Variants in ZIM2 observed in about 807,000 individuals in gnomAD.
ZIM2 encodes the protein zinc finger protein 656.
A neutral mutation model predicts 38.6 loss-of-function variants in ZIM2; 14 were observed. That is an observed-to-expected ratio of 0.36 (90% CI 0.24 to 0.57). ZIM2 has a LOEUF of 0.57. ZIM2 is among the 20% of genes least tolerant of loss of function. ZIM2 has a pLI of 0.81. For missense variants in ZIM2, 680 were observed against 695.1 expected (o/e 0.98, Z 0.24); for synonymous variants, 247 against 245.8 (o/e 1.00, Z -0.04).
At chr19:56,830,364 A>G (rs1345875562) in intron 2 of ZIM2, among the ~76,000 whole-genome samples, 1 of 152,230 alleles carries the variant, frequency 6.6e-6, no homozygotes, top group East Asian at 1.9e-4. Context: ...GGGAGCCCAC[A>G]AGCAGTATTT....
chr19:56,776,540 A>C (rs148445328), intron 12 of ZIM2, among the ~76,000 whole-genome samples: 49 of 152,330 alleles, frequency 3.2e-4, no homozygotes, highest in African/African-American at 1.1e-3. Context: ...GAAACACTGG[A>C]GCAAACAGGT....
chr19:56,781,850 C>CA, intron 11 of ZIM2, 103 bp downstream of exon 11: 1 of 1,435,788 alleles, frequency 7.0e-7, no homozygotes, highest in East Asian at 2.3e-5. Context: ...GGTTGAGACT[C>CA]ACTGACATGG....
At chr19:56,817,533 C>T in intron 9 of ZIM2, 1 of 1,602,728 alleles carries the variant, frequency 6.2e-7, no homozygotes, top group African/African-American at 1.3e-5. Flanking sequence ...CTTCACAAAT[C>T]CCCCGCCGGT....
chr19:56,811,516 A>C (rs1338502597), intron 9 of ZIM2: 4 of 985,088 alleles, frequency 4.1e-6, no homozygotes, highest in Non-Finnish European at 4.8e-6. Flanking sequence ...TCTCTTGTTT[A>C]CCATTTGTTA....
chr19:56,814,008 A>T lies in ZIM2; in HGVS notation c.490+3738T>A. On this transcript the variant is annotated intron_variant, in intron 9 of 12. Coordinates refer to ENST00000629319, the MANE Select transcript of ZIM2 (RefSeq NM_001387356.1). The surrounding 1 kb of genome is among the most constrained non-coding windows in gnomAD (Gnocchi z 5.8). Reference sequence around the variant, plus strand: ...TTCCCACACCGTCAGGCTCGTCGGCATCTCCCTCTGGCTCTTCAGCTTTTC... The same window carrying T: ...TTCCCACACCGTCAGGCTCGTCGGCTTCTCCCTCTGGCTCTTCAGCTTTTC... 1 of 1,613,984 alleles carries T rather than the reference A, an allele frequency of 6.2e-7. No individual in the cohort carries two copies. The highest frequency in any genetic ancestry group is 8.5e-7 in the Non-Finnish European group (1 of 1,179,976).
intron 9 of ZIM2, chr19:56,815,475 C>G (rs1251384206): frequency 6.2e-7 from 1 of 1,614,014 alleles, no homozygotes; most frequent in East Asian, 2.2e-5. Context: ...TATCATGAAT[C>G]TTCTGGTGCT....
chr19:56,839,718 A>G (rs965729507), intron 1 of ZIM2, among the ~76,000 whole-genome samples: 6 of 150,022 alleles, frequency 4.0e-5, no homozygotes, highest in Admixed American at 3.3e-4. Flanking sequence ...ATCCAATGCA[A>G]CCCACAGTCA....
intron 2 of ZIM2, 112 bp downstream of exon 2, chr19:56,835,906 G>A (rs981130105): frequency 4.7e-6 from 2 of 427,832 alleles, no homozygotes; most frequent in Non-Finnish European, 9.6e-6. Context: ...GGCACAAATG[G>A]TGCTGGGGTG....
intron 1 of ZIM2, among the ~76,000 whole-genome samples, chr19:56,836,611 T>G (rs2062135289): frequency 6.6e-6 from 1 of 152,274 alleles, no homozygotes; most frequent in South Asian, 2.1e-4. Context: ...TTCATGATTA[T>G]GAGACTGGTT....
At chr19:56,826,951 A>AT (rs2061099919) in intron 2 of ZIM2, among the ~76,000 whole-genome samples, 1 of 152,222 alleles carries the variant, frequency 6.6e-6, no homozygotes, top group Admixed American at 6.5e-5. Flanking sequence ...TGAAAGCTAT[A>AT]TATCAGAATG....
intron 11 of ZIM2, among the ~76,000 whole-genome samples, chr19:56,781,261 T>C (rs963481130): frequency 2.6e-5 from 4 of 150,972 alleles, no homozygotes; most frequent in African/African-American, 9.9e-5. Context: ...TTGGATTCTG[T>C]TTTTCAGGAG....
chr19:56,818,121 CT>C (rs2060147735), intron 8 of ZIM2, among the ~76,000 whole-genome samples: 2 of 152,204 alleles, frequency 1.3e-5, no homozygotes, highest in Admixed American at 1.3e-4. Context: ...CTTGTAACCA[CT>C]TTTTAAGTCC....
intron 11 of ZIM2, among the ~76,000 whole-genome samples, chr19:56,780,253 T>C (rs2046258070): frequency 6.7e-6 from 1 of 150,340 alleles, no homozygotes; most frequent in African/African-American, 2.4e-5. Flanking sequence ...TTCTTTTTTT[T>C]TTTTTTTGAG....
chr19:56,820,973 C>T (rs984061049), intron 7 of ZIM2, among the ~76,000 whole-genome samples: 1 of 152,204 alleles, frequency 6.6e-6, no homozygotes, highest in Non-Finnish European at 1.5e-5. Flanking sequence ...TAAGTGACCC[C>T]TCTCCTCCTT....
chr19:56,827,049 A>G (rs1323585505), intron 2 of ZIM2, among the ~76,000 whole-genome samples: 1 of 152,234 alleles, frequency 6.6e-6, no homozygotes, highest in South Asian at 2.1e-4. Context: ...AGAGAAAAAT[A>G]TGACCACTAG....
rs775110506 is a variant in ZIM2, at chr19:56,813,650, G to GT, written c.490+4095dup. The GT allele has an allele frequency of 1.3e-5, 21 of 1,594,602 alleles. No homozygotes were observed. In the East Asian group the frequency reaches 4.5e-4, roughly 34 times the overall value. On this transcript the variant is annotated intron_variant, in intron 9 of 12. Coordinates refer to ENST00000629319, the MANE Select transcript of ZIM2 (RefSeq NM_001387356.1). ...GGTAAGGGTCAAGTCCTAGGTGAAG[G>GT]TTTTCTAACCTTTACCCCATGCCCT...
At chr19:56,809,788 A>G (rs980424144) in intron 9 of ZIM2, among the ~76,000 whole-genome samples, 2 of 152,222 alleles carry the variant, frequency 1.3e-5, no homozygotes, top group Non-Finnish European at 2.9e-5. Flanking sequence ...CACATTTCCA[A>G]TTAAAAATGC....
At chr19:56,780,640 T>G (rs923270623) in intron 11 of ZIM2, among the ~76,000 whole-genome samples, 2 of 152,110 alleles carry the variant, frequency 1.3e-5, no homozygotes, top group African/African-American at 4.8e-5. Flanking sequence ...AACATCATGA[T>G]AAATATAACA....
chr19:56,816,852 A>G, intron 9 of ZIM2: 2 of 1,613,970 alleles, frequency 1.2e-6, no homozygotes, highest in Non-Finnish European at 1.7e-6. Flanking sequence ...CCACAAGATA[A>G]CCTCTAGCAT....
Sources: allele counts gnomAD v4.1 joint callset (sites outside exome capture counted in the v4.1 genomes callset), GRCh38; gene constraint gnomAD v4.1.1; non-coding constraint Gnocchi (gnomAD v3.1); transcripts MANE v1.5; gene names NCBI Gene and HGNC (gene_info 2026-07-23, HGNC 2026-07-21).